FRMD4A: variants seen among roughly 807,000 people sequenced by gnomAD.
FRMD4A encodes the protein FERM domain containing 4A, also known as FERM domain-containing protein 4A.
FRMD4A carries 29 observed loss-of-function variants against 129.1 expected under a neutral mutation model. That is an observed-to-expected ratio of 0.22 (90% CI 0.17 to 0.31). The LOEUF (loss-of-function observed/expected upper bound fraction) is 0.31, where lower values mean the gene tolerates loss of function less well. Ranked by LOEUF, FRMD4A falls within the 10% of genes least tolerant of loss-of-function variation. The pLI, the probability that FRMD4A is intolerant of heterozygous loss-of-function variation, is 1.00. For missense variants in FRMD4A, 1,272 were observed against 1,375.8 expected, an observed-to-expected ratio of 0.92 and a Z score of 1.19; for synonymous variants, 634 against 571.6, an observed-to-expected ratio of 1.11 and a Z score of -1.56.
At chr10:14,292,758 C>T (rs1017838507) in intron 2 of FRMD4A, among the ~76,000 whole-genome samples, 1 of 152,080 alleles carries the variant, frequency 6.6e-6, no homozygotes, top group Non-Finnish European at 1.5e-5. Flanking sequence ...TGAGATCACA[C>T]CACTGCACTC....
intron 2 of FRMD4A, among the ~76,000 whole-genome samples, chr10:14,325,160 C>A (rs1253930275): frequency 6.6e-6 from 1 of 152,194 alleles, no homozygotes; most frequent in African/African-American, 2.4e-5. Context: ...GTCCTTAAGA[C>A]AAAACTCAAT....
chr10:14,164,120 C>G (rs187958723), intron 2 of FRMD4A, among the ~76,000 whole-genome samples: 1 of 152,362 alleles, frequency 6.6e-6, no homozygotes, highest in Non-Finnish European at 1.5e-5. Context: ...AGGCTGCAAA[C>G]CAACCATGGC....
At position 14,127,984 on chromosome 10, in the gene FRMD4A, C is replaced by T. The variant is rs867093151; in HGVS notation, c.45+202074G>A. Among the ~76,000 whole-genome samples, 216 of 103,802 alleles carry T rather than the reference C, an allele frequency of 2.1e-3. 14 individuals are homozygous for T. Among genetic ancestry groups the T allele is most frequent in the African/African-American group, 5.5e-3 (110 of 20,038 alleles). The allele number at this position is 103,802 out of a possible 152,430, so 68.1% of individuals were successfully genotyped here. On this transcript the variant is annotated intron_variant, in intron 2 of 24. Coordinates refer to ENST00000357447, the MANE Select transcript of FRMD4A (RefSeq NM_018027.5). ...TTTCTTTCTTTCTTTCTTTCCTTCTCTCTCTCTCTCTCTCTCTTTCTTTCT... is the reference window on the plus strand; with the variant it reads ...TTTCTTTCTTTCTTTCTTTCCTTCTTTCTCTCTCTCTCTCTCTTTCTTTCT...
intron 6 of FRMD4A, among the ~76,000 whole-genome samples, chr10:13,764,160 A>G (rs1470663954): frequency 6.6e-6 from 1 of 151,656 alleles, no homozygotes; most frequent in East Asian, 1.9e-4. Flanking sequence ...GGTAATAAAC[A>G]TATCGATCAC....
chr10:13,684,355 A>T, intron 15 of FRMD4A: 3 of 985,238 alleles, frequency 3.0e-6, no homozygotes, highest in Non-Finnish European at 3.6e-6. Context: ...GGGCATTTGG[A>T]AATCTTTGGA....
chr10:14,005,870 G>A (rs1030668784), intron 2 of FRMD4A, among the ~76,000 whole-genome samples: 3 of 152,148 alleles, frequency 2.0e-5, no homozygotes, highest in Admixed American at 1.3e-4. Context: ...TTAGTGACTC[G>A]CAATGGTAAA....
chr10:14,324,616 T>C (rs1005169283), intron 2 of FRMD4A, among the ~76,000 whole-genome samples: 6 of 152,030 alleles, frequency 3.9e-5, no homozygotes, highest in African/African-American at 1.5e-4. Context: ...AACATATGCA[T>C]GAACCATCAT....
chr10:13,740,691 G>A (rs1564723215), intron 9 of FRMD4A, 114 bp from the exon 10 acceptor site: 1 of 645,600 alleles, frequency 1.5e-6, no homozygotes, highest in East Asian at 2.7e-5. Context: ...GGCACCAACA[G>A]CTCCTGGAAA....
At chr10:13,940,771 C>A in intron 2 of FRMD4A, among the ~76,000 whole-genome samples, 1 of 152,160 alleles carries the variant, frequency 6.6e-6, no homozygotes, top group East Asian at 1.9e-4. Flanking sequence ...TTTTATCTTT[C>A]CAAGCAGCCC....
intron 2 of FRMD4A, among the ~76,000 whole-genome samples, chr10:13,990,551 G>T (rs2095599730): frequency 6.6e-6 from 1 of 152,172 alleles, no homozygotes; most frequent in Non-Finnish European, 1.5e-5. Context: ...GGCTGACCTG[G>T]TTAACTCTCT....
At chr10:13,741,931 A>G (rs1222259400) in intron 9 of FRMD4A, among the ~76,000 whole-genome samples, 1 of 152,184 alleles carries the variant, frequency 6.6e-6, no homozygotes, top group Non-Finnish European at 1.5e-5. Flanking sequence ...ATCTTGGCTC[A>G]CCGCAACCTC....
At chr10:13,803,379 T>A (rs146067036) in intron 4 of FRMD4A, among the ~76,000 whole-genome samples, 4 of 152,320 alleles carry the variant, frequency 2.6e-5, no homozygotes, top group African/African-American at 9.6e-5. Flanking sequence ...TTGCCCAGGC[T>A]GGAGTGCAAT....
chr10:14,191,147 G>A (rs1452417344), intron 2 of FRMD4A, among the ~76,000 whole-genome samples: 3 of 152,126 alleles, frequency 2.0e-5, no homozygotes, highest in African/African-American at 7.2e-5. Flanking sequence ...GTACTCTTGG[G>A]GGCATAGTCT....
At chr10:14,246,392 C>T (rs1320956396) in intron 2 of FRMD4A, among the ~76,000 whole-genome samples, 2 of 149,740 alleles carry the variant, frequency 1.3e-5, no homozygotes, top group Admixed American at 6.7e-5. Context: ...TACACACACA[C>T]ACACACACAC....
intron 15 of FRMD4A, among the ~76,000 whole-genome samples, chr10:13,681,959 C>A (rs1445457201): frequency 2.0e-5 from 3 of 152,112 alleles, no homozygotes. Context: ...TGTCTCACAC[C>A]TATAATCCCA....
At chr10:14,132,757 C>T (rs1339799608) in intron 2 of FRMD4A, among the ~76,000 whole-genome samples, 6 of 152,216 alleles carry the variant, frequency 3.9e-5, no homozygotes, top group Admixed American at 2.0e-4. Context: ...GGGGCTCCCA[C>T]GCAGGCCCAG....
intron 2 of FRMD4A, among the ~76,000 whole-genome samples, chr10:14,256,241 A>G (rs1844610078): frequency 6.6e-6 from 1 of 152,100 alleles, no homozygotes. Context: ...ATGTAATAGA[A>G]ACCCAGATGA....
At chr10:14,101,787 T>C (rs919323900) in intron 2 of FRMD4A, among the ~76,000 whole-genome samples, 2 of 146,188 alleles carry the variant, frequency 1.4e-5, no homozygotes, top group African/African-American at 2.7e-5. Flanking sequence ...AACACATCTC[T>C]CCTTCTGAAT....
intron 17 of FRMD4A, chr10:13,668,110 T>G (rs185738482): frequency 1.6e-4 from 24 of 152,306 alleles, no homozygotes; most frequent in African/African-American, 4.3e-4. Context: ...ACTTTAAGCC[T>G]AAAGGGAGCA....
Sources: gnomAD v4.1 joint callset for allele counts (sites outside exome capture counted in the v4.1 genomes callset) on GRCh38, gnomAD v4.1.1 for gene constraint, MANE v1.5 for transcripts, NCBI Gene and HGNC (gene_info 2026-07-23, HGNC 2026-07-21) for gene names.